Variants in PAX2 observed in about 807,000 individuals in gnomAD.
PAX2 encodes paired box protein Pax-2.
In PAX2, 9 loss-of-function variants were observed where a neutral mutation model predicts 41.7. The ratio of observed to expected loss-of-function variants is 0.22; its 90% confidence interval spans 0.13 to 0.38. The LOEUF (loss-of-function observed/expected upper bound fraction) is 0.38, where lower values mean the gene tolerates loss of function less well. PAX2 is among the 10% of genes least tolerant of loss of function. The pLI, the probability that PAX2 is intolerant of heterozygous loss-of-function variation, is 1.00. For synonymous variants in PAX2, 221 were observed against 212.7 expected (o/e 1.04, Z -0.34); for missense variants, 418 against 531.6 (o/e 0.79, Z 2.10).
chr10:100,775,469 C>A (rs1265814203), intron 3 of PAX2, among the ~76,000 whole-genome samples: 1 of 151,906 alleles, frequency 6.6e-6, no homozygotes, highest in Admixed American at 6.6e-5. Context: ...GGATGGACAC[C>A]AAGAGCATTA....
At chr10:100,800,593 A>C (rs1482928695) in intron 5 of PAX2, among the ~76,000 whole-genome samples, 1 of 151,870 alleles carries the variant, frequency 6.6e-6, no homozygotes, top group East Asian at 1.9e-4. Flanking sequence ...CATTTTATCT[A>C]TTACCACCAC....
At chr10:100,823,826 G>A (rs1014367324) in intron 7 of PAX2, among the ~76,000 whole-genome samples, 2 of 152,154 alleles carry the variant, frequency 1.3e-5, no homozygotes, top group East Asian at 1.9e-4. Context: ...GTGTCCCAGA[G>A]GACATGTCGG....
intron 3 of PAX2, among the ~76,000 whole-genome samples, 192 bp downstream of exon 3, chr10:100,751,083 G>A (rs535985667): frequency 2.0e-5 from 3 of 152,274 alleles, no homozygotes; most frequent in Admixed American, 6.5e-5. Flanking sequence ...GCTGTCTGCA[G>A]TTCAGGGCTG....
At chr10:100,759,656 C>T (rs900961101) in intron 3 of PAX2, among the ~76,000 whole-genome samples, 1 of 152,170 alleles carries the variant, frequency 6.6e-6, no homozygotes, top group Non-Finnish European at 1.5e-5. Flanking sequence ...GGGACAGGAC[C>T]GGTGGCTCCT....
At chr10:100,752,826 G>A (rs1845490426) in intron 3 of PAX2, among the ~76,000 whole-genome samples, 1 of 152,160 alleles carries the variant, frequency 6.6e-6, no homozygotes, top group Admixed American at 6.5e-5. Flanking sequence ...AGCTGGCTTA[G>A]GCATAAGTTT....
chr10:100,749,677 G>A (rs1162762163), intron 1 of PAX2, 69 bp from the exon 2 acceptor site: 40 of 1,558,546 alleles, frequency 2.6e-5, no homozygotes, highest in Non-Finnish European at 3.5e-5. Context: ...GTCCCGGGCC[G>A]CGGACCCTGA....
chr10:100,756,539 T>G (rs1845638775), intron 3 of PAX2, among the ~76,000 whole-genome samples: 1 of 152,210 alleles, frequency 6.6e-6, no homozygotes, highest in Admixed American at 6.5e-5. Flanking sequence ...AAATAGTCTT[T>G]GTGTTAGATG....
intron 2 of PAX2, 60 bp downstream of exon 2, chr10:100,749,974 T>C (rs1048959108): frequency 5.1e-6 from 8 of 1,571,200 alleles, no homozygotes; most frequent in Middle Eastern, 2.3e-4. Flanking sequence ...CAGCCCTGGG[T>C]CTCCAGCTGG....
intron 5 of PAX2, 126 bp downstream of exon 5, chr10:100,781,491 C>T (rs1589848491): frequency 1.0e-6 from 1 of 965,032 alleles, no homozygotes; most frequent in East Asian, 2.4e-5. Context: ...AAGCCCAGGT[C>T]CCCCCACTGC....
At chr10:100,818,556 T>C (rs1303168821) in intron 7 of PAX2, among the ~76,000 whole-genome samples, 1 of 151,954 alleles carries the variant, frequency 6.6e-6, no homozygotes, top group African/African-American at 2.4e-5. Context: ...ATAAAAGTCA[T>C]GTACCATCTA....
upstream of PAX2, among the ~76,000 whole-genome samples, chr10:100,745,322 CTCCCTCT>C (rs1489351568): frequency 6.6e-6 from 1 of 151,930 alleles, no homozygotes; most frequent in Non-Finnish European, 1.5e-5. Context: ...GCTCCCCTCC[CTCCCTCT>C]TCCTTCGCCG....
Position 100,745,953 on chromosome 10 carries a change from G to T in PAX2, c.-308G>T, listed in dbSNP as rs1845148879. 4.7e-6 allele frequency: 6 copies of T among 1,276,194 alleles called. No homozygotes were observed. The highest frequency in any genetic ancestry group is 8.7e-5 in the Admixed American group (2 of 23,040). 79.1% of individuals were successfully genotyped at this position (1,276,194 alleles called of 1,614,324 possible). On this transcript the variant is annotated 5_prime_UTR_variant, in exon 1 of 10. Transcript: ENST00000355243. ...CTTCAGCCCTGGCTGCAGCTGCAGCGCGAGCCATGCGCCCCCAGTGCACCC... is the reference window on the plus strand; with the variant it reads ...CTTCAGCCCTGGCTGCAGCTGCAGCTCGAGCCATGCGCCCCCAGTGCACCC...
chr10:100,735,792 G>T (rs893527123), intron 1 of PAX2: 24 of 994,564 alleles, frequency 2.4e-5, no homozygotes, highest in Non-Finnish European at 2.8e-5. Flanking sequence ...AGGGATGGGG[G>T]CGGCCATGGC....
In PAX2 at chr10:100,750,245, G is replaced by T. The variant is rs1011249743; in HGVS notation, c.212+331G>T. ...GGGAGACATTAGAGGAATGGGGGGG[G>T]AGTGAAAATGGGTCCCCGAGAGGAG... On this transcript the variant is annotated intron_variant, in intron 2 of 9. Coordinates refer to ENST00000355243, the MANE Select transcript of PAX2 (RefSeq NM_000278.5). This position sits in a 1 kb window ranked among gnomAD's most constrained non-coding sequence, Gnocchi z 4.1. Among the ~76,000 whole-genome samples the T allele has an allele frequency of 2.0e-5, 3 of 152,076 alleles. No individual in the cohort carries two copies. Among genetic ancestry groups the T allele is most frequent in the Non-Finnish European group, 4.4e-5 (3 of 68,028 alleles).
At chr10:100,774,407 T>C (rs1322079918) in intron 3 of PAX2, among the ~76,000 whole-genome samples, 1 of 152,084 alleles carries the variant, frequency 6.6e-6, no homozygotes, top group African/African-American at 2.4e-5. Context: ...CTAGTGGGGC[T>C]TGGTCCAGCC....
chr10:100,828,152 G>A lies in PAX2; in HGVS notation c.*533G>A. 1 of 232,166 alleles carries A rather than the reference G, an allele frequency of 4.3e-6. No homozygotes were observed. The highest frequency in any genetic ancestry group is 8.5e-6 in the Non-Finnish European group (1 of 117,586). 14.4% of individuals were successfully genotyped at this position (232,166 alleles called of 1,614,324 possible). A position where few individuals can be genotyped will look rare whatever the true frequency, so the allele number is the denominator to read the frequency against. On this transcript the variant is annotated 3_prime_UTR_variant, in exon 10 of 10. Coordinates refer to ENST00000355243, the MANE Select transcript of PAX2 (RefSeq NM_000278.5). This position sits in a 1 kb window ranked among gnomAD's most constrained non-coding sequence, Gnocchi z 6.5. ...CTTTCTGCAGGAGGAAGAGCCCGCT[G>A]CCGAATCCCTGGGAAAAATTCTTTT...
At chr10:100,757,620 C>T (rs1445939850) in intron 3 of PAX2, among the ~76,000 whole-genome samples, 2 of 152,252 alleles carry the variant, frequency 1.3e-5, no homozygotes, top group Non-Finnish European at 2.9e-5. Context: ...AGCTGTGGTC[C>T]CGCAGTGGGA....
Position 100,828,493 on chromosome 10 carries a change from C to T in PAX2, c.*874C>T. 1 of 234,224 alleles carries T rather than the reference C, an allele frequency of 4.3e-6. No homozygotes were observed. The allele number at this position is 234,224 out of a possible 1,614,324, so 14.5% of individuals were successfully genotyped here. A position where few individuals can be genotyped will look rare whatever the true frequency, so the allele number is the denominator to read the frequency against. On this transcript the variant is annotated 3_prime_UTR_variant, in exon 10 of 10. Coordinates refer to ENST00000355243, the MANE Select transcript of PAX2 (RefSeq NM_000278.5). This position sits in a 1 kb window ranked among gnomAD's most constrained non-coding sequence, Gnocchi z 6.5. Reference sequence around the variant, plus strand: ...CCTCCCAGTTTCCCCTCCTGCCAGTCCTTCGCCTGTCCCTTGACGCCCTGC... The same window carrying T: ...CCTCCCAGTTTCCCCTCCTGCCAGTTCTTCGCCTGTCCCTTGACGCCCTGC...
intron 6 of PAX2, 151 bp from the exon 7 acceptor site, chr10:100,808,959 A>G: frequency 1.3e-6 from 1 of 755,630 alleles, no homozygotes; most frequent in East Asian, 2.5e-5. Flanking sequence ...ACTTGCCATC[A>G]TCCACCAAGC....
Sources: gnomAD v4.1 joint callset for allele counts (sites outside exome capture counted in the v4.1 genomes callset) on GRCh38, gnomAD v4.1.1 for gene constraint, Gnocchi (gnomAD v3.1) non-coding constraint, MANE v1.5 for transcripts, NCBI Gene and HGNC (gene_info 2026-07-23, HGNC 2026-07-21) for gene names.